The following NPFFR2 variants were observed in gnomAD, a reference collection of about 807,000 sequenced individuals.
NPFFR2 encodes the protein neuropeptide FF receptor 2.
In NPFFR2, 15 loss-of-function variants were observed where a neutral mutation model predicts 13.1. The ratio of observed to expected loss-of-function variants is 1.15; its 90% CI spans 0.77 to 1.76. NPFFR2 has a LOEUF of 1.76. Ranked by LOEUF, NPFFR2 falls within the 40% of genes most tolerant of loss-of-function variation. The pLI is 0.00. For missense variants in NPFFR2, 572 were observed against 503.5 expected (o/e 1.14, Z -1.30); for synonymous variants, 190 against 175.7 (o/e 1.08, Z -0.65).
chr4:72,146,541 C>T (rs1274374761), intron 3 of NPFFR2: 1 of 167,702 alleles, frequency 6.0e-6, no homozygotes, highest in African/African-American at 2.4e-5. Flanking sequence ...AAGAGCTACC[C>T]ATCTAAAGAG....
intron 3 of NPFFR2, among the ~76,000 whole-genome samples, chr4:72,144,726 A>T (rs183016704): frequency 6.6e-6 from 1 of 152,234 alleles, no homozygotes; most frequent in African/African-American, 2.4e-5. Context: ...TGTTTTTTTC[A>T]TGCTCCCCAA....
intron 3 of NPFFR2, among the ~76,000 whole-genome samples, chr4:72,138,541 T>A (rs1018885287): frequency 6.6e-6 from 1 of 152,084 alleles, no homozygotes; most frequent in Non-Finnish European, 1.5e-5. Context: ...GATAGTTAGC[T>A]GAGAATGATG....
At chr4:72,044,823 A>G (rs890416478) in intron 1 of NPFFR2, among the ~76,000 whole-genome samples, 3 of 152,044 alleles carry the variant, frequency 2.0e-5, no homozygotes, top group African/African-American at 7.2e-5. Flanking sequence ...ATAGTTTACA[A>G]TTATTTTCTC....
At chr4:72,109,943 G>A (rs906921805) in intron 1 of NPFFR2, among the ~76,000 whole-genome samples, 1 of 151,898 alleles carries the variant, frequency 6.6e-6, no homozygotes, top group Non-Finnish European at 1.5e-5. Flanking sequence ...TTGCTTCATG[G>A]GGAGCAATTC....
At chr4:72,057,010 GTA>G (rs1719769506) in intron 1 of NPFFR2, among the ~76,000 whole-genome samples, 1 of 151,886 alleles carries the variant, frequency 6.6e-6, no homozygotes, top group South Asian at 2.1e-4. Flanking sequence ...CAAAGGATTT[GTA>G]TATAAATGAC....
intron 1 of NPFFR2, among the ~76,000 whole-genome samples, chr4:72,076,168 T>TC (rs1239059778): frequency 1.2e-5 from 1 of 84,392 alleles, no homozygotes; most frequent in Non-Finnish European, 2.7e-5. Context: ...TAATTGATGC[T>TC]ATGTTATGGA....
intron 1 of NPFFR2, among the ~76,000 whole-genome samples, chr4:72,042,087 C>T (rs1324065701): frequency 1.3e-5 from 2 of 152,090 alleles, no homozygotes; most frequent in Non-Finnish European, 2.9e-5. Context: ...CTGTGTCCCC[C>T]ACCCAAATCT....
At chr4:72,140,840 C>G (rs551306988) in intron 3 of NPFFR2, among the ~76,000 whole-genome samples, 1 of 152,166 alleles carries the variant, frequency 6.6e-6, no homozygotes, top group East Asian at 1.9e-4. Flanking sequence ...AGGTATAGTA[C>G]CAGCTCCTCT....
chr4:72,101,024 TG>T (rs1247385301), intron 1 of NPFFR2, among the ~76,000 whole-genome samples: 1 of 152,032 alleles, frequency 6.6e-6, no homozygotes, highest in Non-Finnish European at 1.5e-5. Context: ...CTAAAACAAC[TG>T]CTTGAAAACA....
chr4:72,111,069 A>G (rs575272784), intron 1 of NPFFR2, among the ~76,000 whole-genome samples: 2 of 152,104 alleles, frequency 1.3e-5, no homozygotes, highest in Admixed American at 1.3e-4. Context: ...TGCTCCAGTC[A>G]ATGTAATTCC....
At chr4:72,101,507 C>T (rs1721249172) in intron 1 of NPFFR2, among the ~76,000 whole-genome samples, 1 of 151,090 alleles carries the variant, frequency 6.6e-6, no homozygotes, top group South Asian at 2.1e-4. Flanking sequence ...AGAAGAGATA[C>T]TATAACATAC....
At chr4:72,035,189 C>A (rs573787607) in intron 1 of NPFFR2, among the ~76,000 whole-genome samples, 2 of 152,326 alleles carry the variant, frequency 1.3e-5, no homozygotes, top group South Asian at 4.1e-4. Context: ...AATTCTGTGA[C>A]ATCAACACCT....
chr4:72,079,148 A>G (rs1720528973), intron 1 of NPFFR2, among the ~76,000 whole-genome samples: 1 of 151,698 alleles, frequency 6.6e-6, no homozygotes, highest in Non-Finnish European at 1.5e-5. Flanking sequence ...TGCTTGTGGT[A>G]TTGTACTGTA....
At chr4:72,111,567 C>G (rs1721567959) in intron 1 of NPFFR2, among the ~76,000 whole-genome samples, 1 of 152,006 alleles carries the variant, frequency 6.6e-6, no homozygotes, top group Non-Finnish European at 1.5e-5. Flanking sequence ...AATCATACCT[C>G]AAGTATTCCC....
chr4:72,078,758 A>G (rs543267757), intron 1 of NPFFR2, among the ~76,000 whole-genome samples: 5 of 152,266 alleles, frequency 3.3e-5, no homozygotes. Context: ...CTTGACCCCT[A>G]CAAACATACC....
intron 2 of NPFFR2, among the ~76,000 whole-genome samples, chr4:72,134,888 T>C (rs1722358613): frequency 6.6e-6 from 1 of 152,104 alleles, no homozygotes; most frequent in Non-Finnish European, 1.5e-5. Context: ...TCTCTTTGTG[T>C]ACAACCCCAT....
intron 1 of NPFFR2, among the ~76,000 whole-genome samples, chr4:72,054,592 A>C (rs1719688308): frequency 6.6e-6 from 1 of 151,976 alleles, no homozygotes; most frequent in Non-Finnish European, 1.5e-5. Context: ...ATATAACACA[A>C]GAATCACAAA....
At chr4:72,043,727 C>G (rs1171897200) in intron 1 of NPFFR2, among the ~76,000 whole-genome samples, 1 of 152,188 alleles carries the variant, frequency 6.6e-6, no homozygotes, top group Non-Finnish European at 1.5e-5. Flanking sequence ...AACCAACTTG[C>G]TTTTCATTTT....
chr4:72,052,522 A>T (rs987735561), intron 1 of NPFFR2, among the ~76,000 whole-genome samples: 18 of 152,014 alleles, frequency 1.2e-4, no homozygotes, highest in African/African-American at 4.3e-4. Flanking sequence ...ATCTATGACA[A>T]ACCCACAGCC....
Sources: gnomAD v4.1 joint callset for allele counts (sites outside exome capture counted in the v4.1 genomes callset) on GRCh38, gnomAD v4.1.1 for gene constraint, MANE v1.5 for transcripts, NCBI Gene and HGNC (gene_info 2026-07-23, HGNC 2026-07-21) for gene names.